The following RAB31 variants were observed in gnomAD, a reference collection of about 807,000 sequenced individuals.
RAB31 encodes the protein RAB31, member RAS oncogene family.
Under a neutral mutation model 25.6 loss-of-function variants are expected in RAB31, and 21 were observed. That is an observed-to-expected ratio of 0.82 (90% CI 0.58 to 1.18). The LOEUF (loss-of-function observed/expected upper bound fraction) is 1.18, where lower values mean the gene tolerates loss of function less well. Among genes scored for constraint, RAB31 ranks in the 50% most tolerant of loss-of-function variants. The probability of loss-of-function intolerance (pLI) is 0.00; values close to 1 mark genes in which losing one functional copy is unlikely to be tolerated. For missense variants in RAB31, 196 were observed against 250.1 expected (o/e 0.78, Z 1.46); for synonymous variants, 87 against 84.0 (o/e 1.04, Z -0.20).
chr18:9,737,978 G>C (rs1376117594), intron 1 of RAB31, among the ~76,000 whole-genome samples: 3 of 152,156 alleles, frequency 2.0e-5, no homozygotes, highest in Admixed American at 6.5e-5. Flanking sequence ...GTCCTGGCAG[G>C]CAGCCAGCCG....
intron 1 of RAB31, among the ~76,000 whole-genome samples, chr18:9,774,411 G>A (rs770422310): frequency 4.6e-5 from 7 of 152,140 alleles, no homozygotes; most frequent in Non-Finnish European, 7.3e-5. Flanking sequence ...CAACTGATCT[G>A]TTTTCAGCCC....
chr18:9,821,935 G>T (rs939302862), intron 5 of RAB31, among the ~76,000 whole-genome samples: 15 of 152,060 alleles, frequency 9.9e-5, no homozygotes, highest in African/African-American at 3.6e-4. Flanking sequence ...TCTTAGCAAG[G>T]TTTTTTGTAA....
chr18:9,747,079 C>T (rs2068209590), intron 1 of RAB31, among the ~76,000 whole-genome samples: 1 of 152,136 alleles, frequency 6.6e-6, no homozygotes, highest in Non-Finnish European at 1.5e-5. Context: ...AGACAAAGTA[C>T]TCAGTTAAGC....
chr18:9,805,990 T>C (rs565590858), intron 3 of RAB31, among the ~76,000 whole-genome samples: 4 of 152,118 alleles, frequency 2.6e-5, no homozygotes, highest in African/African-American at 7.2e-5. Context: ...CTGGCTAACA[T>C]GGCGAAACCC....
Position 9,755,462 on chromosome 18 carries a change from G to A in RAB31, c.40-19816G>A, listed in dbSNP as rs73383293. Among the ~76,000 whole-genome samples, 767 of 152,302 alleles carry A rather than the reference G, an allele frequency of 5.0e-3. 6 individuals are homozygous for A. Among genetic ancestry groups the A allele is most frequent in the African/African-American group, 0.017 (725 of 41,556 alleles). On this transcript the variant is annotated intron_variant, in intron 1 of 6. Transcript: ENST00000578921. ...TTAGTTTTCTGTGCTGGAGGAGTTGGAGGCATTTTTGGTAAGCTAAGGCTG... is the reference window on the plus strand; with the variant it reads ...TTAGTTTTCTGTGCTGGAGGAGTTGAAGGCATTTTTGGTAAGCTAAGGCTG...
chr18:9,817,214 T>A (rs56007372), intron 5 of RAB31, among the ~76,000 whole-genome samples: 76,939 of 151,800 alleles, frequency 0.51, 20,391 homozygotes, highest in East Asian at 0.97. Context: ...TATCTCTAAA[T>A]CCCCCTAATT....
chr18:9,809,957 C>T (rs561298555), intron 3 of RAB31, among the ~76,000 whole-genome samples: 1 of 152,342 alleles, frequency 6.6e-6, no homozygotes, highest in Admixed American at 6.5e-5. Flanking sequence ...GCCGGAGAAG[C>T]TCCAAGAGCC....
intron 1 of RAB31, among the ~76,000 whole-genome samples, chr18:9,740,476 G>A (rs1001074055): frequency 6.6e-6 from 1 of 152,198 alleles, no homozygotes; most frequent in Non-Finnish European, 1.5e-5. Flanking sequence ...CACTTTGGGA[G>A]GCCGAGGAAG....
intron 1 of RAB31, among the ~76,000 whole-genome samples, chr18:9,724,538 T>C (rs2068088677): frequency 6.6e-6 from 1 of 152,170 alleles, no homozygotes; most frequent in African/African-American, 2.4e-5. Flanking sequence ...ATTAAAAATA[T>C]CCGTGGGTGA....
intron 1 of RAB31, among the ~76,000 whole-genome samples, chr18:9,757,518 CTTTT>C (rs1568171336): frequency 6.6e-6 from 1 of 152,308 alleles, no homozygotes; most frequent in African/African-American, 2.4e-5. Flanking sequence ...CTGCAGATTC[CTTTT>C]TTGGTCAACT....
intron 1 of RAB31, among the ~76,000 whole-genome samples, chr18:9,755,795 C>CATCT (rs1286473004): frequency 6.6e-6 from 1 of 152,186 alleles, no homozygotes; most frequent in Non-Finnish European, 1.5e-5. Context: ...TAGCGTGCCT[C>CATCT]ATCTCTGACC....
intron 3 of RAB31, among the ~76,000 whole-genome samples, chr18:9,797,775 A>G (rs1048509692): frequency 2.0e-5 from 3 of 152,240 alleles, no homozygotes; most frequent in Non-Finnish European, 4.4e-5. Context: ...GTGATTCTTT[A>G]TAACCTGCTG....
chr18:9,719,003 C>T (rs890155369), intron 1 of RAB31, among the ~76,000 whole-genome samples: 1 of 151,886 alleles, frequency 6.6e-6, no homozygotes, highest in Admixed American at 6.6e-5. Context: ...GGCATGGTGA[C>T]TCACGCCTGT....
At chr18:9,848,277 T>C (rs1256599137) in intron 6 of RAB31, among the ~76,000 whole-genome samples, 1 of 152,160 alleles carries the variant, frequency 6.6e-6, no homozygotes, top group Non-Finnish European at 1.5e-5. Flanking sequence ...TGCCTGTCTG[T>C]CTCTGTCTGT....
intron 1 of RAB31, among the ~76,000 whole-genome samples, chr18:9,774,169 G>A (rs1295338661): frequency 2.0e-5 from 3 of 152,100 alleles, no homozygotes; most frequent in Non-Finnish European, 4.4e-5. Flanking sequence ...CCTTTGGTTA[G>A]GGGATCCCAA....
At chr18:9,733,545 C>T (rs1568164830) in intron 1 of RAB31, among the ~76,000 whole-genome samples, 1 of 152,204 alleles carries the variant, frequency 6.6e-6, no homozygotes, top group East Asian at 1.9e-4. Context: ...TGCTTAATAG[C>T]TCGGCCTAGA....
At chr18:9,857,672 G>A (rs1230728680) in intron 6 of RAB31, among the ~76,000 whole-genome samples, 1 of 125,916 alleles carries the variant, frequency 7.9e-6, no homozygotes, top group African/African-American at 2.8e-5. Flanking sequence ...TAGATAGATA[G>A]ATAGATAGAT....
At chr18:9,818,985 T>C (rs2068612628) in intron 5 of RAB31, among the ~76,000 whole-genome samples, 1 of 152,214 alleles carries the variant, frequency 6.6e-6, no homozygotes, top group Non-Finnish European at 1.5e-5. Flanking sequence ...GATTGTCTTT[T>C]TATTATCGAG....
intron 1 of RAB31, among the ~76,000 whole-genome samples, chr18:9,719,341 T>C (rs1180481270): frequency 9.2e-6 from 1 of 108,716 alleles, no homozygotes; most frequent in Non-Finnish European, 1.8e-5. Context: ...ATAAATAAAT[T>C]TGATCTAATT....
Sources: gnomAD v4.1 joint callset for allele counts (sites outside exome capture counted in the v4.1 genomes callset) on GRCh38, gnomAD v4.1.1 for gene constraint, MANE v1.5 for transcripts, NCBI Gene and HGNC (gene_info 2026-07-23, HGNC 2026-07-21) for gene names.